PTPRG: variants seen among roughly 807,000 people sequenced by gnomAD.
PTPRG encodes protein tyrosine phosphatase receptor type G.
Under a neutral mutation model 165.3 loss-of-function variants are expected in PTPRG, and 102 were observed. The observed-to-expected ratio is 0.62, with a 90% confidence interval of 0.53 to 0.73. The LOEUF (loss-of-function observed/expected upper bound fraction) is 0.73, where lower values mean the gene tolerates loss of function less well. Ranked by LOEUF, PTPRG falls within the 30% of genes least tolerant of loss-of-function variation. The probability of loss-of-function intolerance (pLI) is 0.00; values close to 1 mark genes in which losing one functional copy is unlikely to be tolerated. For synonymous variants in PTPRG, 675 were observed against 669.5 expected (o/e 1.01, Z -0.13); for missense variants, 1,866 against 1,861.4 (o/e 1.00, Z -0.05).
intron 2 of PTPRG, among the ~76,000 whole-genome samples, chr3:61,974,806 G>A (rs896401127): frequency 7.2e-5 from 11 of 152,148 alleles, no homozygotes; most frequent in African/African-American, 2.7e-4. Context: ...CTGGTAGTCT[G>A]TTCTCACCAG....
At chr3:62,002,333 C>T (rs2107720531) in intron 3 of PTPRG, among the ~76,000 whole-genome samples, 1 of 152,252 alleles carries the variant, frequency 6.6e-6, no homozygotes. Flanking sequence ...TTTCCCATGG[C>T]TTACACAAGC....
In PTPRG at chr3:61,562,346, T is replaced by C; in HGVS notation, c.59T>C (p.Val20Ala). The change falls in exon 1 of 30, where the codon GTG becomes GCG. Residue 20 changes from valine (V) to alanine (A), a missense_variant. Val to Ala is a moderately conservative substitution (Grantham distance 64). Transcript: ENST00000474889. The part of the protein sequence containing the change: ...WILFLKITSS[V>A]LHYVVCFPAL... ...TTGTTCCTGAAAATCACCAGTTCCG[T>C]GCTCCATTATGTCGTGTGCTTCCCC... The C allele has an allele frequency of 6.2e-7, 1 of 1,613,674 alleles. No homozygotes were observed. The highest frequency in any genetic ancestry group is 8.5e-7 in the Non-Finnish European group (1 of 1,179,682).
chr3:62,242,511 TAAAG>T (rs1467354157), intron 14 of PTPRG, among the ~76,000 whole-genome samples: 1 of 152,214 alleles, frequency 6.6e-6, no homozygotes, highest in Non-Finnish European at 1.5e-5. Flanking sequence ...AGGCACTGCT[TAAAG>T]AACAGCGCTT....
chr3:61,752,797 A>AAAAAAG (rs1553660809), intron 2 of PTPRG, among the ~76,000 whole-genome samples: 17 of 104,040 alleles, frequency 1.6e-4, no homozygotes, highest in South Asian at 2.9e-4. Flanking sequence ...AAAAAAAAAA[A>AAAAAAG]AAAAGAAAAA....
chr3:62,195,110 G>A lies in PTPRG; in HGVS notation c.1267G>A (p.Val423Ile). ...ACCCGATAGCCTTTACCTGTTCCGA[G>A]TCCAGGCCGTGTGTCGGAACGACAT... Reference protein sequence around the residue: ...VSPDSLYLFRVQAVCRNDMRS... With the variant: ...VSPDSLYLFRIQAVCRNDMRS... The change falls in exon 10 of 30, where the codon GTC becomes ATC. Residue 423 changes from valine (V) to isoleucine (I), a missense_variant. Transcript: ENST00000474889. This position sits in a 1 kb window ranked among gnomAD's most constrained non-coding sequence, Gnocchi z 4.4. 6.2e-7 allele frequency: 1 copy of A among 1,614,260 alleles called. No individual in the cohort carries two copies. Among genetic ancestry groups the A allele is most frequent in the African/African-American group, 1.3e-5 (1 of 75,072 alleles).
chr3:61,700,048 G>A (rs925476795), intron 1 of PTPRG, among the ~76,000 whole-genome samples: 2 of 152,106 alleles, frequency 1.3e-5, no homozygotes, highest in African/African-American at 2.4e-5. Flanking sequence ...TGGTGAGGGG[G>A]TCTGTGTGGT....
intron 28 of PTPRG, among the ~76,000 whole-genome samples, chr3:62,290,427 G>A (rs565945333): frequency 6.6e-6 from 1 of 152,236 alleles, no homozygotes; most frequent in East Asian, 1.9e-4. Flanking sequence ...GGACATCAGT[G>A]TACCAGTAAA....
Position 62,009,870 on chromosome 3 carries a change from C to T in PTPRG, c.519+6373C>T, listed in dbSNP as rs76803551. 4.1e-3 allele frequency among the ~76,000 whole-genome samples: 628 copies of T among 152,192 alleles called. 4 individuals are homozygous for T. Among genetic ancestry groups the T allele is most frequent in the African/African-American group, 0.012 (487 of 41,524 alleles). ...GACTACATGTCAGGTTGGGTAGCAC[C>T]GCTTAAATAATCCCTCCTTCACTGC... is the stretch of plus-strand genomic sequence containing the variant. On this transcript the variant is annotated intron_variant, in intron 4 of 29. Coordinates refer to ENST00000474889, the MANE Select transcript of PTPRG (RefSeq NM_002841.4).
intron 2 of PTPRG, among the ~76,000 whole-genome samples, chr3:61,813,890 C>CTTT (rs58457367): frequency 1.0e-4 from 14 of 133,420 alleles, no homozygotes; most frequent in East Asian, 4.4e-4. Flanking sequence ...GAGATACTGG[C>CTTT]TTTTTTTTTT....
rs1162125543 is a variant in PTPRG at position 62,214,618 on chromosome 3, T to C, written c.2156-4233T>C. 1.3e-5 allele frequency among the ~76,000 whole-genome samples: 2 copies of C among 152,084 alleles called. No homozygotes were observed. The highest frequency in any genetic ancestry group is 2.9e-5 in the Non-Finnish European group (2 of 68,026). On this transcript the variant is annotated intron_variant, in intron 12 of 29. Coordinates refer to ENST00000474889, the MANE Select transcript of PTPRG (RefSeq NM_002841.4). The surrounding 1 kb of genome is among the most constrained non-coding windows in gnomAD (Gnocchi z 5.2). ...GGGACCTAGAGTAACAAAAGAGCGA[T>C]TATAATTGAGTATGATGTGTGCAGT... is the stretch of plus-strand genomic sequence containing the variant.
intron 1 of PTPRG, among the ~76,000 whole-genome samples, chr3:61,664,536 A>C (rs1702753324): frequency 6.6e-6 from 1 of 152,250 alleles, no homozygotes; most frequent in Admixed American, 6.5e-5. Flanking sequence ...TGGCATTTAA[A>C]AATGCATTGT....
At chr3:61,594,700 G>A (rs1291326664) in intron 1 of PTPRG, among the ~76,000 whole-genome samples, 1 of 152,158 alleles carries the variant, frequency 6.6e-6, no homozygotes, top group Non-Finnish European at 1.5e-5. Context: ...AACCTGCCTT[G>A]GGTTGGTTGT....
intron 4 of PTPRG, among the ~76,000 whole-genome samples, chr3:62,029,269 G>C (rs1365870511): frequency 6.6e-6 from 1 of 152,068 alleles, no homozygotes; most frequent in Non-Finnish European, 1.5e-5. Context: ...GACTAACACA[G>C]GTCCGAGTTA....
At chr3:62,076,494 TTTTGTTTGTTTG>T (rs202043848) in intron 4 of PTPRG, among the ~76,000 whole-genome samples, 15 of 151,736 alleles carry the variant, frequency 9.9e-5, no homozygotes, top group African/African-American at 1.2e-4. Context: ...GTCTGGTTTT[TTTTGTTTGTTTG>T]TTTGTTTGTT....
intron 9 of PTPRG, among the ~76,000 whole-genome samples, chr3:62,192,393 C>CT (rs71123255): frequency 0.056 from 2,963 of 52,604 alleles, 892 homozygotes; most frequent in Non-Finnish European, 0.078. Flanking sequence ...CAACTACTGT[C>CT]TTTTTTTTTT....
chr3:61,682,457 G>A (rs1004329833), intron 1 of PTPRG, among the ~76,000 whole-genome samples: 9 of 152,178 alleles, frequency 5.9e-5, no homozygotes, highest in Non-Finnish European at 2.9e-5. Flanking sequence ...GGGGACATAG[G>A]CATTTGTTGT....
Position 62,258,117 on chromosome 3 carries a change from C to T in PTPRG, c.2559+2902C>T, listed in dbSNP as rs998733522. ...GCAGCCAAATTAGGAACCCCCCCCA[C>T]TAGGAGTATTAGCTGCCCATTACAT... On this transcript the variant is annotated intron_variant, in intron 16 of 29. Transcript: ENST00000474889. Among the ~76,000 whole-genome samples the T allele has an allele frequency of 2.0e-5, 3 of 152,238 alleles. No homozygotes were observed. In the South Asian group the frequency reaches 6.2e-4, roughly 32 times the overall value.
At chr3:61,723,000 A>G (rs935252618) in intron 1 of PTPRG, among the ~76,000 whole-genome samples, 2 of 152,096 alleles carry the variant, frequency 1.3e-5, no homozygotes, top group African/African-American at 2.4e-5. Flanking sequence ...GTCGATGATA[A>G]ATTTAGAGGA....
At chr3:62,276,654 A>G (rs1702241106) in intron 24 of PTPRG, 2 of 287,042 alleles carry the variant, frequency 7.0e-6, no homozygotes, top group Non-Finnish European at 1.3e-5. Flanking sequence ...TTGTAGGAAT[A>G]ACAAACTAGA....
Sources: allele counts gnomAD v4.1 joint callset (sites outside exome capture counted in the v4.1 genomes callset), GRCh38; gene constraint gnomAD v4.1.1; non-coding constraint Gnocchi (gnomAD v3.1); transcripts MANE v1.5; gene names NCBI Gene and HGNC (gene_info 2026-07-23, HGNC 2026-07-21).